TLL2: variants seen among roughly 807,000 people sequenced by gnomAD.
The protein encoded by TLL2 is tolloid like 2.
In TLL2, 106 loss-of-function variants were observed where a neutral mutation model predicts 123.0. That is an observed-to-expected ratio of 0.86 (90% CI 0.74 to 1.01). The LOEUF is 1.01. Ranked by LOEUF, TLL2 falls within the 50% of genes least tolerant of loss-of-function variation. The pLI, the probability that TLL2 is intolerant of heterozygous loss-of-function variation, is 0.00. For missense variants in TLL2, 1,332 were observed against 1,336.7 expected (o/e 1.00, Z 0.06); for synonymous variants, 494 against 516.8 (o/e 0.96, Z 0.60).
At chr10:96,393,730 CT>C (rs1341244192) in intron 13 of TLL2, among the ~76,000 whole-genome samples, 1 of 138,002 alleles carries the variant, frequency 7.2e-6, no homozygotes, top group African/African-American at 3.0e-5. Context: ...CTTTTTTTTT[CT>C]TTTTTTTCTT....
intron 8 of TLL2, among the ~76,000 whole-genome samples, chr10:96,411,723 T>C (rs938819685): frequency 1.3e-5 from 2 of 152,230 alleles, no homozygotes; most frequent in Non-Finnish European, 2.9e-5. Context: ...TTTCCTTACA[T>C]GCAGTTCAAC....
chr10:96,458,587 C>CAAAAAAA (rs55819031), intron 2 of TLL2, among the ~76,000 whole-genome samples: 1 of 45,998 alleles, frequency 2.2e-5, no homozygotes. Context: ...GACTTCGTCT[C>CAAAAAAA]AAAAAAAAAA....
intron 3 of TLL2, among the ~76,000 whole-genome samples, chr10:96,442,840 A>G (rs887362133): frequency 2.0e-5 from 3 of 152,206 alleles, no homozygotes; most frequent in African/African-American, 4.8e-5. Context: ...TGCACTTTCA[A>G]TGCTGGATAA....
At chr10:96,400,948 C>G (rs1210182738) in intron 10 of TLL2, among the ~76,000 whole-genome samples, 4 of 152,144 alleles carry the variant, frequency 2.6e-5, no homozygotes, top group Non-Finnish European at 5.9e-5. Flanking sequence ...GAAATGTTCT[C>G]AATTGACTTT....
At chr10:96,448,243 C>T (rs1211464147) in intron 2 of TLL2, among the ~76,000 whole-genome samples, 19 of 152,218 alleles carry the variant, frequency 1.2e-4, no homozygotes, top group Admixed American at 1.2e-3. Context: ...GTGTTCGCTG[C>T]CAGCTCCTGG....
intron 4 of TLL2, 101 bp from the exon 5 acceptor site, chr10:96,428,849 G>C (rs1846706876): frequency 1.3e-6 from 1 of 755,972 alleles, no homozygotes; most frequent in African/African-American, 1.8e-5. Context: ...TTGTTGCCCA[G>C]GCTGGAGTGC....
At chr10:96,483,460 T>G (rs1423598737) in intron 1 of TLL2, among the ~76,000 whole-genome samples, 1 of 152,220 alleles carries the variant, frequency 6.6e-6, no homozygotes, top group Non-Finnish European at 1.5e-5. Flanking sequence ...CCAGTCTTCC[T>G]CTTTCCAAAT....
intron 7 of TLL2, among the ~76,000 whole-genome samples, chr10:96,417,920 A>G (rs1846580442): frequency 6.6e-6 from 1 of 152,164 alleles, no homozygotes; most frequent in East Asian, 1.9e-4. Context: ...CTGCTGTTTT[A>G]AGTCACTAAG....
At chr10:96,431,062 AT>A (rs1846734036) in intron 4 of TLL2, among the ~76,000 whole-genome samples, 1 of 152,236 alleles carries the variant, frequency 6.6e-6, no homozygotes, top group African/African-American at 2.4e-5. Flanking sequence ...TGTCAACAAA[AT>A]TCCTATATAT....
At chr10:96,445,922 G>T (rs1310525518) in intron 3 of TLL2, among the ~76,000 whole-genome samples, 169 bp downstream of exon 3, 1 of 152,164 alleles carries the variant, frequency 6.6e-6, no homozygotes, top group Non-Finnish European at 1.5e-5. Flanking sequence ...TGCTTTGAGG[G>T]TGATGAAAAA....
chr10:96,479,757 C>G (rs71484220), intron 2 of TLL2, among the ~76,000 whole-genome samples: 1 of 152,248 alleles, frequency 6.6e-6, no homozygotes, highest in South Asian at 2.1e-4. Context: ...AGACACATCT[C>G]CTGCCACAGC....
intron 4 of TLL2, among the ~76,000 whole-genome samples, chr10:96,431,085 A>G (rs1846734276): frequency 6.6e-6 from 1 of 152,230 alleles, no homozygotes; most frequent in Non-Finnish European, 1.5e-5. Context: ...AAATTAGTTA[A>G]CTTTGATGAA....
chr10:96,488,806 T>C (rs936395009), intron 1 of TLL2, among the ~76,000 whole-genome samples: 3 of 152,122 alleles, frequency 2.0e-5, no homozygotes, highest in East Asian at 1.9e-4. Context: ...CTCATAACAA[T>C]GGTGTCTGAA....
intron 2 of TLL2, 110 bp from the exon 3 acceptor site, chr10:96,446,278 G>A (rs993719548): frequency 1.0e-6 from 1 of 970,784 alleles, no homozygotes; most frequent in African/African-American, 1.6e-5. Flanking sequence ...GAATCACCAC[G>A]GATTCGTAAG....
At chr10:96,414,234 A>G (rs11188749) in intron 7 of TLL2, among the ~76,000 whole-genome samples, 62,083 of 151,884 alleles carry the variant, frequency 0.41, 12,861 homozygotes, top group Middle Eastern at 0.43. Flanking sequence ...CTCTCCTTGA[A>G]TCAGCATCTC....
In TLL2 at chr10:96,513,887, C is replaced by G. The variant is rs34649528; in HGVS notation, c.-202G>C. On this transcript the variant is annotated 5_prime_UTR_variant, in exon 1 of 21. Coordinates refer to ENST00000357947, the MANE Select transcript of TLL2 (RefSeq NM_012465.4). ...GCAACCGGGAAGCAGCCGCTCGGAG[C>G]TACTTGCCCGGCGGCCGAGGCTGCG... 2.3e-5 allele frequency: 13 copies of G among 561,148 alleles called. No individual in the cohort carries two copies. Among genetic ancestry groups the G allele is most frequent in the Admixed American group, 4.2e-5 (1 of 23,980 alleles). 34.8% of individuals were successfully genotyped at this position (561,148 alleles called of 1,614,324 possible).
chr10:96,380,692 C>CAAAAAAAAAAA (rs57395382), intron 16 of TLL2, among the ~76,000 whole-genome samples: 1 of 53,060 alleles, frequency 1.9e-5, no homozygotes, highest in Non-Finnish European at 3.3e-5. Context: ...GACTCTATCT[C>CAAAAAAAAAAA]AAAAAAAAAA....
intron 1 of TLL2, among the ~76,000 whole-genome samples, chr10:96,505,585 G>A (rs1285204509): frequency 6.6e-6 from 1 of 152,162 alleles, no homozygotes; most frequent in African/African-American, 2.4e-5. Context: ...TCATAGATAA[G>A]GACAGTGTCC....
In TLL2 at chr10:96,367,850, T is replaced by A. The variant is rs984953181; in HGVS notation, c.*238A>T. On this transcript the variant is annotated 3_prime_UTR_variant, in exon 21 of 21. Transcript: ENST00000357947. ...ACTTCAATCCTAATCTTTAACACTTTAACAGTTCATGAATGATAACATTGC... is the reference window on the plus strand; with the variant it reads ...ACTTCAATCCTAATCTTTAACACTTAAACAGTTCATGAATGATAACATTGC... 1.2e-5 allele frequency: 6 copies of A among 485,170 alleles called. No individual in the cohort carries two copies. The Admixed American group carries it at 1.6e-4, about 13-fold the overall frequency. 30.1% of individuals were successfully genotyped at this position (485,170 alleles called of 1,614,324 possible).
Sources: gnomAD v4.1 joint callset for allele counts (sites outside exome capture counted in the v4.1 genomes callset) on GRCh38, gnomAD v4.1.1 for gene constraint, MANE v1.5 for transcripts, NCBI Gene and HGNC (gene_info 2026-07-23, HGNC 2026-07-21) for gene names.